UBE2E3: variants seen among roughly 807,000 people sequenced by gnomAD.
UBE2E3 encodes the protein ubiquitin conjugating enzyme E2 E3.
A neutral mutation model predicts 23.6 loss-of-function variants in UBE2E3; 5 were observed. The observed-to-expected ratio is 0.21, with a 90% CI of 0.11 to 0.44. UBE2E3 has a LOEUF of 0.44. Ranked by LOEUF, UBE2E3 falls within the 20% of genes least tolerant of loss-of-function variation. UBE2E3 has a pLI of 0.99. For synonymous variants in UBE2E3, 78 were observed against 87.5 expected (o/e 0.89, Z 0.60); for missense variants, 81 against 249.8 (o/e 0.32, Z 4.55).
At chr2:181,011,023 T>A (rs1050691733) in intron 3 of UBE2E3, among the ~76,000 whole-genome samples, 1 of 152,054 alleles carries the variant, frequency 6.6e-6, no homozygotes, top group Non-Finnish European at 1.5e-5. Context: ...ACTTATCTAA[T>A]ATAAGCCCTT....
intron 3 of UBE2E3, among the ~76,000 whole-genome samples, chr2:181,038,740 T>C (rs1686380801): frequency 6.6e-6 from 1 of 152,214 alleles, no homozygotes; most frequent in African/African-American, 2.4e-5. Context: ...ACAAGTCTTA[T>C]ATCTTAATAG....
chr2:180,990,021 A>AT (rs377607430), intron 3 of UBE2E3: 615 of 1,481,818 alleles, frequency 4.2e-4, no homozygotes, highest in South Asian at 7.6e-4. Context: ...ATAGAAAGTG[A>AT]TTTTTTTTTC....
rs566073729 is a variant in UBE2E3 at position 180,998,176 on chromosome 2, T to C, written c.245+14083T>C. Among the ~76,000 whole-genome samples the C allele has an allele frequency of 3.9e-5, 6 of 152,302 alleles. No individual in the cohort carries two copies. The East Asian group carries it at 1.2e-3, about 29-fold the overall frequency. ...TCTATTGTCTTGACAAAAATATTAATAGCATTTCCTTTCACTTTTAGAAAT... is the reference window on the plus strand; with the variant it reads ...TCTATTGTCTTGACAAAAATATTAACAGCATTTCCTTTCACTTTTAGAAAT... On this transcript the variant is annotated intron_variant, in intron 3 of 5. Coordinates refer to ENST00000410062, the MANE Select transcript of UBE2E3 (RefSeq NM_006357.4).
At chr2:180,984,774 G>T (rs1442853845) in intron 3 of UBE2E3, among the ~76,000 whole-genome samples, 1 of 152,038 alleles carries the variant, frequency 6.6e-6, no homozygotes, top group Non-Finnish European at 1.5e-5. Flanking sequence ...AAGATTATTG[G>T]TTGGTATAAG....
At chr2:180,985,405 A>T (rs114521797) in intron 3 of UBE2E3, among the ~76,000 whole-genome samples, 3,771 of 152,230 alleles carry the variant, frequency 0.025, 69 homozygotes, top group Non-Finnish European at 0.04. Context: ...CAACAAAAGG[A>T]TGTATAATAC....
At chr2:181,017,894 G>A (rs943888664) in intron 3 of UBE2E3, among the ~76,000 whole-genome samples, 13 of 150,520 alleles carry the variant, frequency 8.6e-5, no homozygotes, top group African/African-American at 3.2e-4. Flanking sequence ...AGGATTTTTT[G>A]GTTAGAGGAA....
chr2:181,017,115 GTGT>G (rs1206441616), intron 3 of UBE2E3, among the ~76,000 whole-genome samples: 1 of 152,246 alleles, frequency 6.6e-6, no homozygotes, highest in East Asian at 1.9e-4. Context: ...AATGCAACCT[GTGT>G]TATAGAAGGG....
At chr2:181,018,427 T>C (rs770329725) in intron 3 of UBE2E3, among the ~76,000 whole-genome samples, 2 of 152,070 alleles carry the variant, frequency 1.3e-5, no homozygotes, top group Non-Finnish European at 2.9e-5. Flanking sequence ...TGTATACATA[T>C]ATATTTGGCC....
At chr2:181,014,394 G>T (rs1685425995) in intron 3 of UBE2E3, among the ~76,000 whole-genome samples, 1 of 152,180 alleles carries the variant, frequency 6.6e-6, no homozygotes, top group Non-Finnish European at 1.5e-5. Context: ...ATAGATGGCA[G>T]TATGTATCAA....
At chr2:180,983,441 T>C (rs1201405766) in intron 2 of UBE2E3, among the ~76,000 whole-genome samples, 1 of 152,224 alleles carries the variant, frequency 6.6e-6, no homozygotes, top group Admixed American at 6.5e-5. Flanking sequence ...CTATGTATTT[T>C]CTCCTCTTTC....
chr2:181,031,352 G>GT (rs1232495421), intron 3 of UBE2E3, among the ~76,000 whole-genome samples: 2 of 151,972 alleles, frequency 1.3e-5, no homozygotes, highest in Non-Finnish European at 2.9e-5. Flanking sequence ...TGTGTTTGCT[G>GT]TATTACTTTT....
chr2:180,990,240 AG>A (rs1239362668), intron 3 of UBE2E3, among the ~76,000 whole-genome samples: 10 of 152,216 alleles, frequency 6.6e-5, no homozygotes, highest in Admixed American at 2.0e-4. Context: ...CTGAAGGAGA[AG>A]GGGGCTACCA....
At chr2:181,027,562 G>A (rs1201636654) in intron 3 of UBE2E3, among the ~76,000 whole-genome samples, 2 of 151,824 alleles carry the variant, frequency 1.3e-5, no homozygotes, top group Admixed American at 6.6e-5. Context: ...TGTCTTTCAA[G>A]CATTATGGAG....
At chr2:181,009,313 CT>C (rs1448365089) in intron 3 of UBE2E3, among the ~76,000 whole-genome samples, 5 of 152,046 alleles carry the variant, frequency 3.3e-5, no homozygotes, top group Non-Finnish European at 5.9e-5. Flanking sequence ...ATAAAACCAA[CT>C]TTGAATTACT....
intron 3 of UBE2E3, among the ~76,000 whole-genome samples, chr2:181,045,958 T>C (rs891885701): frequency 4.6e-5 from 7 of 152,194 alleles, no homozygotes; most frequent in Non-Finnish European, 1.0e-4. Context: ...CTTATATAAG[T>C]GACTTTGTAT....
chr2:181,037,363 T>TTG (rs970877289), intron 3 of UBE2E3, among the ~76,000 whole-genome samples: 3 of 152,108 alleles, frequency 2.0e-5, no homozygotes, highest in African/African-American at 7.2e-5. Flanking sequence ...GGAGAAGGCA[T>TTG]TGTTATAGGA....
At chr2:180,987,199 G>C in intron 3 of UBE2E3, 1 of 947,036 alleles carries the variant, frequency 1.1e-6, no homozygotes, top group Non-Finnish European at 1.6e-6. Context: ...TTTACATAAA[G>C]TATAAATAAT....
intron 3 of UBE2E3, among the ~76,000 whole-genome samples, chr2:181,030,186 C>T (rs1158172443): frequency 1.3e-5 from 2 of 151,682 alleles, no homozygotes; most frequent in African/African-American, 4.8e-5. Flanking sequence ...TGGTGGTGGC[C>T]TTATGTAAAC....
At chr2:180,986,367 A>G (rs1272381126) in intron 3 of UBE2E3, among the ~76,000 whole-genome samples, 6 of 152,136 alleles carry the variant, frequency 3.9e-5, no homozygotes, top group African/African-American at 1.2e-4. Flanking sequence ...TTTGTCTTCA[A>G]ATTCTTGTGG....
Sources: allele counts gnomAD v4.1 joint callset (sites outside exome capture counted in the v4.1 genomes callset), GRCh38; gene constraint gnomAD v4.1.1; transcripts MANE v1.5; gene names NCBI Gene and HGNC (gene_info 2026-07-23, HGNC 2026-07-21).